Variants in TNIP3 observed in about 807,000 individuals in gnomAD.
The protein encoded by TNIP3 is TNFAIP3 interacting protein 3, also known as TNFAIP3-interacting protein 3.
A neutral mutation model predicts 54.1 loss-of-function variants in TNIP3; 34 were observed. The observed-to-expected ratio is 0.63, with a 90% CI of 0.48 to 0.84. TNIP3 has a LOEUF of 0.84. Among genes scored for constraint, TNIP3 ranks in the 40% least tolerant of loss-of-function variants. TNIP3 has a pLI of 0.00. For synonymous variants in TNIP3, 134 were observed against 136.8 expected (o/e 0.98, Z 0.14); for missense variants, 366 against 387.6 (o/e 0.94, Z 0.47).
At chr4:121,186,748 A>C (rs1725043626) in intron 2 of TNIP3, among the ~76,000 whole-genome samples, 1 of 152,332 alleles carries the variant, frequency 6.6e-6, no homozygotes, top group East Asian at 1.9e-4. Context: ...CAAGTTTGGA[A>C]AGTAGGAGCC....
chr4:121,146,597 C>T (rs1729445122), intron 7 of TNIP3, among the ~76,000 whole-genome samples: 1 of 152,154 alleles, frequency 6.6e-6, no homozygotes, highest in African/African-American at 2.4e-5. Flanking sequence ...AGTTACATTA[C>T]ATCTGGGAAC....
At chr4:121,136,819 C>CACT (rs1404477157) in intron 10 of TNIP3, 2 of 140,654 alleles carry the variant, frequency 1.4e-5, no homozygotes, top group African/African-American at 5.4e-5. Context: ...CACACCAGTG[C>CACT]ACTACTCCAG....
chr4:121,210,061 C>T (rs1034499958), intron 2 of TNIP3, among the ~76,000 whole-genome samples: 34 of 152,252 alleles, frequency 2.2e-4, no homozygotes, highest in African/African-American at 8.2e-4. Flanking sequence ...AGAAACCACA[C>T]TCTTAACCAT....
At chr4:121,212,988 A>G (rs1431623518) in intron 2 of TNIP3, among the ~76,000 whole-genome samples, 1 of 152,224 alleles carries the variant, frequency 6.6e-6, no homozygotes, top group Admixed American at 6.5e-5. Context: ...GAGAAAAAAA[A>G]ATGGAGCTTT....
chr4:121,178,579 G>A (rs1724496298), intron 3 of TNIP3, among the ~76,000 whole-genome samples: 1 of 152,180 alleles, frequency 6.6e-6, no homozygotes, highest in African/African-American at 2.4e-5. Context: ...AGGACAGTTT[G>A]AGCACCTGAA....
At chr4:121,214,479 G>A (rs557374148) in intron 2 of TNIP3, among the ~76,000 whole-genome samples, 1 of 152,304 alleles carries the variant, frequency 6.6e-6, no homozygotes, top group African/African-American at 2.4e-5. Context: ...GGACTCAGGA[G>A]CTCACACAAA....
At chr4:121,197,033 T>C (rs559143069) in intron 2 of TNIP3, among the ~76,000 whole-genome samples, 100 of 152,076 alleles carry the variant, frequency 6.6e-4, no homozygotes, top group Non-Finnish European at 1.3e-3. Context: ...CTCAAAGTCT[T>C]AATGAACTTA....
chr4:121,222,803 C>CTTT (rs1727082965), intron 1 of TNIP3, among the ~76,000 whole-genome samples: 3 of 77,056 alleles, frequency 3.9e-5, no homozygotes, highest in African/African-American at 1.0e-4. Context: ...GTTTTTTGTG[C>CTTT]GTTTTTTTTT....
At chr4:121,155,994 A>C (rs904733898) in intron 4 of TNIP3, among the ~76,000 whole-genome samples, 2 of 152,204 alleles carry the variant, frequency 1.3e-5, no homozygotes, top group Non-Finnish European at 1.5e-5. Context: ...TTATTCCAAT[A>C]AGATAATGGT....
chr4:121,168,013 T>A (rs563608886), upstream of TNIP3, among the ~76,000 whole-genome samples: 1 of 152,280 alleles, frequency 6.6e-6, no homozygotes, highest in South Asian at 2.1e-4. Flanking sequence ...ACACCTTTTA[T>A]TCTCCAGATC....
intron 3 of TNIP3, among the ~76,000 whole-genome samples, chr4:121,171,646 G>A (rs1320483781): frequency 6.6e-6 from 1 of 152,160 alleles, no homozygotes; most frequent in Non-Finnish European, 1.5e-5. Flanking sequence ...TCAGGAAAAT[G>A]AAAATGATTC....
rs963875896 is a variant in TNIP3, at chr4:121,227,295, T to C, written c.3+90A>G. The C allele has an allele frequency of 3.4e-6, 4 of 1,163,934 alleles. No individual in the cohort carries two copies. The Admixed American group carries it at 6.3e-5, about 18-fold the overall frequency. 72.1% of individuals were successfully genotyped at this position (1,163,934 alleles called of 1,614,324 possible). A position where few individuals can be genotyped will look rare whatever the true frequency, so the allele number is the denominator to read the frequency against. On this transcript the variant is annotated intron_variant, in intron 1 of 12. Transcript: ENST00000509841. ...ATATATGTCTTTTTAATATGAGAAC[T>C]TTATGCATTTTAAAAAAGAAATTAA... is the stretch of plus-strand genomic sequence containing the variant.
At chr4:121,200,050 C>G (rs1323618997) in intron 2 of TNIP3, among the ~76,000 whole-genome samples, 2 of 152,122 alleles carry the variant, frequency 1.3e-5, no homozygotes, top group Admixed American at 6.6e-5. Context: ...AGAGGCAGAG[C>G]CCTTACCTGT....
chr4:121,181,013 A>T (rs941607055), intron 3 of TNIP3, among the ~76,000 whole-genome samples: 1 of 152,164 alleles, frequency 6.6e-6, no homozygotes, highest in African/African-American at 2.4e-5. Context: ...GAATGAGCAA[A>T]TTTCCTCAAT....
intron 3 of TNIP3, among the ~76,000 whole-genome samples, chr4:121,173,252 T>C (rs1176947550): frequency 6.6e-6 from 1 of 152,228 alleles, no homozygotes; most frequent in Non-Finnish European, 1.5e-5. Context: ...GGAAGTTTTA[T>C]GGGAATTAAG....
chr4:121,171,321 T>C (rs1276827060), intron 3 of TNIP3, among the ~76,000 whole-genome samples: 1 of 152,212 alleles, frequency 6.6e-6, no homozygotes, highest in Non-Finnish European at 1.5e-5. Flanking sequence ...TATTTTGAAA[T>C]GCCTCAAAAA....
intron 3 of TNIP3, among the ~76,000 whole-genome samples, chr4:121,179,313 A>G (rs75715669): frequency 0.022 from 3,340 of 152,328 alleles, 78 homozygotes; most frequent in Admixed American, 0.035. Context: ...TAAAATTTCT[A>G]TGAGCCTTAA....
intron 9 of TNIP3, among the ~76,000 whole-genome samples, chr4:121,140,063 C>CAGTG (rs1243853856): frequency 6.6e-6 from 1 of 152,000 alleles, no homozygotes; most frequent in Non-Finnish European, 1.5e-5. Flanking sequence ...TGGCCAGGCG[C>CAGTG]AGTGGCTCAT....
At chr4:121,160,070 C>T (rs968176048) in intron 2 of TNIP3, among the ~76,000 whole-genome samples, 4 of 152,146 alleles carry the variant, frequency 2.6e-5, no homozygotes, top group Non-Finnish European at 4.4e-5. Context: ...AGTAACATTA[C>T]TCTGCCATCG....
Sources: allele counts gnomAD v4.1 joint callset (sites outside exome capture counted in the v4.1 genomes callset), GRCh38; gene constraint gnomAD v4.1.1; transcripts MANE v1.5; gene names NCBI Gene and HGNC (gene_info 2026-07-23, HGNC 2026-07-21).